ADARB1: variants seen among roughly 807,000 people sequenced by gnomAD.
ADARB1 encodes adenosine deaminase RNA specific B1, also known as double-stranded RNA-specific editase 1.
In ADARB1, 10 loss-of-function variants were observed where a neutral mutation model predicts 52.4. That is an observed-to-expected ratio of 0.19 (90% CI 0.12 to 0.32). The LOEUF (loss-of-function observed/expected upper bound fraction) is 0.32, where lower values mean the gene tolerates loss of function less well. ADARB1 is among the 10% of genes least tolerant of loss of function. The pLI is 1.00. For synonymous variants in ADARB1, 349 were observed against 371.1 expected (o/e 0.94, Z 0.68); for missense variants, 643 against 922.3 (o/e 0.70, Z 3.92).
chr21:45,140,082 T>TA (rs2089637493), intron 2 of ADARB1, among the ~76,000 whole-genome samples: 1 of 151,988 alleles, frequency 6.6e-6, no homozygotes, highest in South Asian at 2.1e-4. Flanking sequence ...TAGCTGGGAT[T>TA]ACAGGCGCCC....
intron 2 of ADARB1, among the ~76,000 whole-genome samples, chr21:45,151,742 C>T (rs1306846057): frequency 6.6e-6 from 1 of 152,122 alleles, no homozygotes; most frequent in Non-Finnish European, 1.5e-5. Flanking sequence ...GGCAGAGGCA[C>T]CAAGTGCTGT....
At chr21:45,151,091 T>A (rs2090261617) in intron 2 of ADARB1, among the ~76,000 whole-genome samples, 1 of 151,938 alleles carries the variant, frequency 6.6e-6, no homozygotes, top group African/African-American at 2.4e-5. Flanking sequence ...TCACTTGAAG[T>A]GTGTGGGCAG....
chr21:45,172,982 A>G lies in ADARB1; in HGVS notation c.28+1298A>G, dbSNP rs1026694343. ...TACGTCCATACTCCTCATTTGAGAA[A>G]ATGTGACCTGTGCTTGGCCCGTGCA... On this transcript the variant is annotated intron_variant, in intron 3 of 10. Transcript: ENST00000348831. This position sits in a 1 kb window ranked among gnomAD's most constrained non-coding sequence, Gnocchi z 4.4. Among the ~76,000 whole-genome samples, 1 of 152,162 alleles carries G rather than the reference A, an allele frequency of 6.6e-6. No homozygotes were observed. The highest frequency in any genetic ancestry group is 1.5e-5 in the Non-Finnish European group (1 of 68,026).
intron 2 of ADARB1, among the ~76,000 whole-genome samples, chr21:45,156,018 C>G (rs1434536949): frequency 2.6e-5 from 4 of 151,354 alleles, no homozygotes; most frequent in African/African-American, 9.7e-5. Flanking sequence ...ACTCACCCAC[C>G]CACCATCACC....
At chr21:45,152,380 C>T (rs1676191987) in intron 2 of ADARB1, among the ~76,000 whole-genome samples, 1 of 150,048 alleles carries the variant, frequency 6.7e-6, no homozygotes, top group Non-Finnish European at 1.5e-5. Context: ...ATGTCATTCT[C>T]TGGGTGGTGT....
intron 7 of ADARB1, among the ~76,000 whole-genome samples, chr21:45,184,280 C>A (rs2146215774): frequency 6.6e-6 from 1 of 152,264 alleles, no homozygotes; most frequent in African/African-American, 2.4e-5. Context: ...AAGTATCCAT[C>A]ACCCAGAATT....
intron 9 of ADARB1, among the ~76,000 whole-genome samples, chr21:45,209,605 C>G (rs1338626518): frequency 6.6e-6 from 1 of 152,176 alleles, no homozygotes; most frequent in African/African-American, 2.4e-5. Flanking sequence ...TCCATGGTCA[C>G]CCTTTGTCAC....
chr21:45,147,813 T>A (rs1399750589), intron 2 of ADARB1, among the ~76,000 whole-genome samples: 2 of 152,138 alleles, frequency 1.3e-5, no homozygotes, highest in Admixed American at 1.3e-4. Context: ...GCTCCCACGC[T>A]GCCCCCGGCA....
At chr21:45,217,928 G>A (rs1203951118) in intron 9 of ADARB1, among the ~76,000 whole-genome samples, 1 of 152,142 alleles carries the variant, frequency 6.6e-6, no homozygotes, top group Non-Finnish European at 1.5e-5. Flanking sequence ...TAAGAAATGT[G>A]TTGTTATCTT....
At chr21:45,124,524 G>A (rs1243809344) in intron 1 of ADARB1, among the ~76,000 whole-genome samples, 1 of 151,868 alleles carries the variant, frequency 6.6e-6, no homozygotes, top group African/African-American at 2.4e-5. Context: ...ACAGGTGCAC[G>A]CCACCACACC....
intron 8 of ADARB1, among the ~76,000 whole-genome samples, chr21:45,195,249 G>C (rs772072620): frequency 1.3e-5 from 2 of 152,050 alleles, no homozygotes; most frequent in Non-Finnish European, 2.9e-5. Flanking sequence ...TTTTAATCAG[G>C]TTGTTCATTT....
chr21:45,175,988 C>T lies in ADARB1; in HGVS notation c.287C>T (p.Thr96Ile). 1 of 1,613,876 alleles carries T rather than the reference C, an allele frequency of 6.2e-7. No individual in the cohort carries two copies. Among genetic ancestry groups the T allele is most frequent in the Non-Finnish European group, 8.5e-7 (1 of 1,179,880 alleles). ...GAGATCAAGCCTGGTTTGCAGTACA[C>T]ACTCCTGTCCCAGACTGGGCCCGTG... is the stretch of plus-strand genomic sequence containing the variant. ...LNEIKPGLQY[T>I]LLSQTGPVHA... is the part of the protein sequence containing the mutation. The change falls in exon 4 of 11, where the codon ACA becomes ATA. Residue 96 changes from threonine (T) to isoleucine (I), a missense_variant. Thr to Ile is a moderately conservative substitution (Grantham distance 89, BLOSUM62 -1). Around this residue, in one of 2 missense-constraint regions of ADARB1, gnomAD observed 380 missense variants for 446.5 expected, o/e 0.85. Coordinates refer to ENST00000348831, the MANE Select transcript of ADARB1 (RefSeq NM_001112.4).
At chr21:45,113,479 ATG>A (rs1259507583) in intron 1 of ADARB1, among the ~76,000 whole-genome samples, 97 of 139,770 alleles carry the variant, frequency 6.9e-4, no homozygotes, top group Middle Eastern at 3.5e-3. Flanking sequence ...ATATATATAT[ATG>A]TGTGTGTGTG....
intron 5 of ADARB1, among the ~76,000 whole-genome samples, chr21:45,180,759 A>G (rs112940569): frequency 1.5e-4 from 23 of 152,270 alleles, no homozygotes; most frequent in African/African-American, 5.3e-4. Flanking sequence ...TTCTTCCTTT[A>G]TTTGAAAGTA....
In ADARB1 at chr21:45,223,384, G is replaced by A. The variant is rs911466683; in HGVS notation, c.*1187G>A. 4.8e-5 allele frequency: 47 copies of A among 985,584 alleles called. No individual in the cohort carries two copies. In the Admixed American group the frequency reaches 1.4e-3, roughly 30 times the overall value. 61.1% of individuals were successfully genotyped at this position (985,584 alleles called of 1,614,324 possible). A position where few individuals can be genotyped will look rare whatever the true frequency, so the allele number is the denominator to read the frequency against. On this transcript the variant is annotated 3_prime_UTR_variant, in exon 11 of 11. Transcript: ENST00000348831. ...GCCCAGCGCCCAGCGTGCACGGGACGGCCCCACGACAGAGGGAGTCAGCCC... is the reference window on the plus strand; with the variant it reads ...GCCCAGCGCCCAGCGTGCACGGGACAGCCCCACGACAGAGGGAGTCAGCCC...
intron 8 of ADARB1, among the ~76,000 whole-genome samples, chr21:45,196,802 TAA>T (rs1343296852): frequency 1.3e-5 from 2 of 152,178 alleles, no homozygotes; most frequent in African/African-American, 4.8e-5. Context: ...TGGCTGAAAT[TAA>T]AAAGACTGGC....
chr21:45,179,372 C>A (rs1431978437), intron 4 of ADARB1, among the ~76,000 whole-genome samples: 1 of 152,194 alleles, frequency 6.6e-6, no homozygotes, highest in East Asian at 1.9e-4. Flanking sequence ...TATTAAGGAC[C>A]AACCTGGGGA....
intron 1 of ADARB1, among the ~76,000 whole-genome samples, chr21:45,075,695 T>C (rs2085904277): frequency 6.6e-6 from 1 of 152,164 alleles, no homozygotes; most frequent in South Asian, 2.1e-4. Flanking sequence ...GGAGTCCCGA[T>C]TTACACGCTG....
In ADARB1 at chr21:45,163,786, G is replaced by A. The variant is rs74605418; in HGVS notation, c.-47-7824G>A. Among the ~76,000 whole-genome samples, 91 of 151,660 alleles carry A rather than the reference G, an allele frequency of 6.0e-4. 1 individual carries two copies. The East Asian group carries it at 0.016, about 26-fold the overall frequency. ...CTGAGTACCAGGCAGCAGTGAGTGG[G>A]GTGACTGAAGGGAAACTCGAGGGAC... is the stretch of plus-strand genomic sequence containing the variant. On this transcript the variant is annotated intron_variant, in intron 2 of 10. Coordinates refer to ENST00000348831, the MANE Select transcript of ADARB1 (RefSeq NM_001112.4).
Sources: allele counts gnomAD v4.1 joint callset (sites outside exome capture counted in the v4.1 genomes callset), GRCh38; gene constraint gnomAD v4.1.1; regional missense constraint gnomAD v4.1.1; non-coding constraint Gnocchi (gnomAD v3.1); transcripts MANE v1.5; gene names NCBI Gene and HGNC (gene_info 2026-07-23, HGNC 2026-07-21).